Variants in DCDC1 observed in about 807,000 individuals in gnomAD.
DCDC1 encodes doublecortin domain containing 1, also known as doublecortin domain-containing protein 1.
A neutral mutation model predicts 178.3 loss-of-function variants in DCDC1; 200 were observed. That is an observed-to-expected ratio of 1.12 (90% CI 1.00 to 1.26). The LOEUF (loss-of-function observed/expected upper bound fraction) is 1.26. DCDC1 is among the 50% of genes most tolerant of loss of function. DCDC1 has a pLI of 0.00. For synonymous variants in DCDC1, 690 were observed against 604.8 expected (o/e 1.14, Z -2.07); for missense variants, 1,983 against 1,749.2 (o/e 1.13, Z -2.38).
At chr11:30,877,574 A>C (rs755522716) in intron 38 of DCDC1, among the ~76,000 whole-genome samples, 20 of 152,212 alleles carry the variant, frequency 1.3e-4, no homozygotes, top group Non-Finnish European at 2.6e-4. Flanking sequence ...CCTTTCCCTA[A>C]GTTTTTGAAT....
chr11:31,266,805 A>T (rs1945197937), intron 7 of DCDC1, among the ~76,000 whole-genome samples: 2 of 152,204 alleles, frequency 1.3e-5, no homozygotes, highest in Non-Finnish European at 2.9e-5. Flanking sequence ...TCAATAGCTT[A>T]GTGTTTATAT....
At chr11:31,066,137 A>G (rs893772987) in intron 18 of DCDC1, among the ~76,000 whole-genome samples, 2 of 152,166 alleles carry the variant, frequency 1.3e-5, no homozygotes, top group African/African-American at 2.4e-5. Flanking sequence ...TTTATGTTTT[A>G]AATTGATTTA....
At chr11:30,906,942 G>A (rs1299104699) in intron 29 of DCDC1, among the ~76,000 whole-genome samples, 2 of 152,056 alleles carry the variant, frequency 1.3e-5, no homozygotes, top group Admixed American at 6.6e-5. Context: ...CGACACCAAT[G>A]AATATAAACT....
At chr11:31,364,429 T>C (rs1951859649) in intron 1 of DCDC1, among the ~76,000 whole-genome samples, 2 of 152,058 alleles carry the variant, frequency 1.3e-5, no homozygotes, top group Admixed American at 1.3e-4. Context: ...AAATAGAAGA[T>C]GGATTACAGA....
At chr11:31,305,049 T>C (rs966153284) in intron 6 of DCDC1, among the ~76,000 whole-genome samples, 2 of 152,170 alleles carry the variant, frequency 1.3e-5, no homozygotes, top group African/African-American at 2.4e-5. Flanking sequence ...AAAACCTTAA[T>C]TGAAAATATG....
chr11:31,103,598 T>C, intron 14 of DCDC1, 46 bp downstream of exon 14: 1 of 705,724 alleles, frequency 1.4e-6, no homozygotes, highest in East Asian at 2.5e-5. Context: ...TTAAGTGATT[T>C]GGATTACTTT....
At chr11:31,285,922 C>T (rs1946788538) in intron 7 of DCDC1, among the ~76,000 whole-genome samples, 1 of 152,158 alleles carries the variant, frequency 6.6e-6, no homozygotes, top group Non-Finnish European at 1.5e-5. Context: ...ACTCCCTACA[C>T]TCATTCTAAT....
In DCDC1 at chr11:30,881,328, C is replaced by T; in HGVS notation, c.5083-20G>A. ...CAGCAGCTGAGACACAGAGGGACAG[C>T]CACATTTGAATACGGAATGGCACAA... On this transcript the variant is annotated intron_variant, in intron 36 of 38. Coordinates refer to ENST00000684477, the MANE Select transcript of DCDC1 (RefSeq NM_001387274.1). 1 of 1,611,102 alleles carries T rather than the reference C, an allele frequency of 6.2e-7. No individual in the cohort carries two copies. The highest frequency in any genetic ancestry group is 1.1e-5 in the South Asian group (1 of 90,678).
intron 8 of DCDC1, among the ~76,000 whole-genome samples, chr11:31,253,200 CTAAT>C (rs1453882140): frequency 1.3e-5 from 2 of 152,100 alleles, no homozygotes; most frequent in Non-Finnish European, 2.9e-5. Flanking sequence ...TTTTGGAATT[CTAAT>C]TAATTCATTC....
chr11:31,047,809 C>G (rs1045196435), intron 20 of DCDC1, among the ~76,000 whole-genome samples: 1 of 152,038 alleles, frequency 6.6e-6, no homozygotes, highest in Non-Finnish European at 1.5e-5. Flanking sequence ...TGAAAAATTA[C>G]TTTTTGAATA....
intron 38 of DCDC1, among the ~76,000 whole-genome samples, chr11:30,866,653 A>C (rs2133895862): frequency 6.6e-6 from 1 of 152,258 alleles, no homozygotes; most frequent in South Asian, 2.1e-4. Context: ...CCTCAGAAGG[A>C]ATCAGTGCTG....
At chr11:31,172,114 G>C (rs1967322047) in intron 9 of DCDC1, among the ~76,000 whole-genome samples, 3 of 152,060 alleles carry the variant, frequency 2.0e-5, no homozygotes, top group Admixed American at 2.0e-4. Flanking sequence ...AAATAGCTTA[G>C]ATATGCCTAT....
chr11:30,968,711 TTATATATATA>T lies in DCDC1; in HGVS notation c.2592-16153_2592-16144del, dbSNP rs71451193. Reference sequence around the variant, plus strand: ...TATATCAAATTATATATATATCAAATTATATATATATATATATATATATATGGTTTGATAT... The same window carrying T: ...TATATCAAATTATATATATATCAAATTATATATATATATATGGTTTGATAT... On this transcript the variant is annotated intron_variant, in intron 20 of 38. Transcript: ENST00000684477. 1.4e-3 allele frequency among the ~76,000 whole-genome samples: 85 copies of T among 61,046 alleles called. 2 individuals are homozygous for T. Among genetic ancestry groups the T allele is most frequent in the Middle Eastern group, 0.02 (2 of 98 alleles). The allele number at this position is 61,046 out of a possible 152,430, so 40.0% of individuals were successfully genotyped here. A position where few individuals can be genotyped will look rare whatever the true frequency, so the allele number is the denominator to read the frequency against.
At chr11:31,059,814 A>G (rs1955813670) in intron 20 of DCDC1, among the ~76,000 whole-genome samples, 1 of 152,094 alleles carries the variant, frequency 6.6e-6, no homozygotes, top group South Asian at 2.1e-4. Context: ...AGCTACATAA[A>G]TGATTTAATA....
At chr11:31,357,110 C>CA (rs1951421284) in intron 1 of DCDC1, among the ~76,000 whole-genome samples, 1 of 152,036 alleles carries the variant, frequency 6.6e-6, no homozygotes. Context: ...ATCCTGATAC[C>CA]AAAGCCGGGC....
chr11:31,064,353 AAGCC>A, intron 20 of DCDC1, 112 bp downstream of exon 20: 2 of 604,984 alleles, frequency 3.3e-6, no homozygotes, highest in Admixed American at 2.5e-5. Flanking sequence ...CTACGCTTGA[AAGCC>A]AAAGGGCTTT....
At chr11:31,256,164 T>C (rs1183571213) in intron 8 of DCDC1, among the ~76,000 whole-genome samples, 1 of 152,218 alleles carries the variant, frequency 6.6e-6, no homozygotes, top group Admixed American at 6.5e-5. Context: ...GACTCTGAAT[T>C]CTATTCCATT....
At chr11:30,934,228 C>G (rs918516383) in intron 21 of DCDC1, among the ~76,000 whole-genome samples, 2 of 152,042 alleles carry the variant, frequency 1.3e-5, no homozygotes, top group Non-Finnish European at 2.9e-5. Flanking sequence ...AGGCGACCCC[C>G]TAGGGACTCC....
At chr11:31,092,705 TG>T (rs1957891955) in intron 16 of DCDC1, among the ~76,000 whole-genome samples, 1 of 152,128 alleles carries the variant, frequency 6.6e-6, no homozygotes, top group Admixed American at 6.6e-5. Flanking sequence ...ACAGATACCA[TG>T]AAATGAAAGA....
Sources: allele counts gnomAD v4.1 joint callset (sites outside exome capture counted in the v4.1 genomes callset), GRCh38; gene constraint gnomAD v4.1.1; transcripts MANE v1.5; gene names NCBI Gene and HGNC (gene_info 2026-07-23, HGNC 2026-07-21).